The following TRPC3 variants were observed in gnomAD, a reference collection of about 807,000 sequenced individuals.
The protein encoded by TRPC3 is transient receptor potential cation channel subfamily C member 3.
A neutral mutation model predicts 90.9 loss-of-function variants in TRPC3; 54 were observed. The observed-to-expected ratio is 0.59, with a 90% confidence interval of 0.48 to 0.75. The LOEUF is 0.75. Among genes scored for constraint, TRPC3 ranks in the 30% least tolerant of loss-of-function variants. The pLI, the probability that TRPC3 is intolerant of heterozygous loss-of-function variation, is 0.00. For missense variants in TRPC3, 918 were observed against 1,194.5 expected, an observed-to-expected ratio of 0.77 and a Z score of 3.41; for synonymous variants, 424 against 450.9, an observed-to-expected ratio of 0.94 and a Z score of 0.75.
chr4:121,951,700 G>GT lies in TRPC3; in HGVS notation c.-21dup. On this transcript the variant is annotated 5_prime_UTR_variant, in exon 1 of 12. Transcript: ENST00000379645. This position sits in a 1 kb window ranked among gnomAD's most constrained non-coding sequence, Gnocchi z 4.4. ...GGACATCGCGCCGGCTGCGGTCCGA[G>GT]TGTGGGGGTGCCGGCTGCCGGCCTC... 3 of 1,297,336 alleles carry GT rather than the reference G, an allele frequency of 2.3e-6. No individual in the cohort carries two copies. Among genetic ancestry groups the GT allele is most frequent in the Non-Finnish European group, 3.0e-6 (3 of 1,012,812 alleles). 80.4% of individuals were successfully genotyped at this position (1,297,336 alleles called of 1,614,324 possible). A position where few individuals can be genotyped will look rare whatever the true frequency, so the allele number is the denominator to read the frequency against.
At chr4:121,939,213 G>C (rs1016254738) in intron 1 of TRPC3, among the ~76,000 whole-genome samples, 4 of 152,102 alleles carry the variant, frequency 2.6e-5, no homozygotes, top group African/African-American at 9.7e-5. Context: ...AGTTCGAGAA[G>C]ATACATTTTA....
intron 1 of TRPC3, among the ~76,000 whole-genome samples, chr4:121,948,506 T>C (rs894143681): frequency 2.0e-5 from 3 of 152,166 alleles, no homozygotes; most frequent in African/African-American, 7.2e-5. Flanking sequence ...CAATCCAGAG[T>C]GGGTTTGCTC....
intron 1 of TRPC3, among the ~76,000 whole-genome samples, chr4:121,940,687 A>AT (rs1018259331): frequency 6.6e-6 from 1 of 152,112 alleles, no homozygotes; most frequent in Non-Finnish European, 1.5e-5. Flanking sequence ...GGGTCTTTTG[A>AT]TCCTTTCTGA....
intron 10 of TRPC3, among the ~76,000 whole-genome samples, chr4:121,888,439 T>C (rs1009293427): frequency 1.3e-5 from 2 of 152,146 alleles, no homozygotes; most frequent in Admixed American, 1.3e-4. Context: ...ATGGACTAAT[T>C]ATAAAAGTAA....
chr4:121,905,155 C>G (rs1303394419), intron 7 of TRPC3, among the ~76,000 whole-genome samples: 1 of 151,768 alleles, frequency 6.6e-6, no homozygotes, highest in Non-Finnish European at 1.5e-5. Context: ...GTGAAATATT[C>G]TATCATTTAA....
At chr4:121,884,861 A>G (rs975031184) in intron 10 of TRPC3, among the ~76,000 whole-genome samples, 4 of 152,208 alleles carry the variant, frequency 2.6e-5, no homozygotes, top group Admixed American at 2.6e-4. Context: ...AGGTGCTAGG[A>G]ATACAACAGT....
rs1357678015 is a variant in TRPC3 at position 121,877,821 on chromosome 4, G to A, written c.*1915C>T. Among the ~76,000 whole-genome samples the A allele has an allele frequency of 4.7e-5, 7 of 149,814 alleles. No individual in the cohort carries two copies. The highest frequency in any genetic ancestry group is 8.9e-5 in the Non-Finnish European group (6 of 67,654). On this transcript the variant is annotated 3_prime_UTR_variant, in exon 12 of 12. Coordinates refer to ENST00000379645, the MANE Select transcript of TRPC3 (RefSeq NM_001130698.2). Reference sequence around the variant, plus strand: ...AAAGTCAGCTTTTTATCCACATGGTGTGGATACCATGAGGCTTATCTTCAT... The same window carrying A: ...AAAGTCAGCTTTTTATCCACATGGTATGGATACCATGAGGCTTATCTTCAT...
At chr4:121,940,091 G>A (rs1439712450) in intron 1 of TRPC3, among the ~76,000 whole-genome samples, 1 of 152,180 alleles carries the variant, frequency 6.6e-6, no homozygotes, top group Admixed American at 6.5e-5. Flanking sequence ...ACAGGCCACT[G>A]AGACTCTGAG....
intron 1 of TRPC3, among the ~76,000 whole-genome samples, chr4:121,941,920 C>T (rs1027133668): frequency 6.6e-6 from 1 of 152,164 alleles, no homozygotes; most frequent in Non-Finnish European, 1.5e-5. Flanking sequence ...TAGCCCATCA[C>T]TTCAACTGTC....
chr4:121,909,945 A>T (rs1729022619), intron 6 of TRPC3, among the ~76,000 whole-genome samples: 1 of 152,134 alleles, frequency 6.6e-6, no homozygotes, highest in African/African-American at 2.4e-5. Flanking sequence ...CAGTGAAGCA[A>T]ATTGACTTGA....
chr4:121,915,642 C>A (rs1379166100), intron 3 of TRPC3, among the ~76,000 whole-genome samples: 1 of 152,092 alleles, frequency 6.6e-6, no homozygotes. Context: ...TTAATAAATA[C>A]AATTCTAATC....
intron 1 of TRPC3, among the ~76,000 whole-genome samples, chr4:121,935,758 CTT>C (rs1359293845): frequency 1.3e-5 from 2 of 151,816 alleles, no homozygotes; most frequent in Admixed American, 6.6e-5. Context: ...AAAATAAACT[CTT>C]ATTAAAGTGT....
intron 2 of TRPC3, among the ~76,000 whole-genome samples, chr4:121,930,278 C>T (rs1412327157): frequency 1.3e-5 from 2 of 152,110 alleles, no homozygotes; most frequent in African/African-American, 4.8e-5. Flanking sequence ...TCCATATAAT[C>T]TAGAAAAAAG....
intron 9 of TRPC3, among the ~76,000 whole-genome samples, chr4:121,899,919 T>C (rs1216931963): frequency 1.3e-5 from 2 of 152,276 alleles, no homozygotes; most frequent in East Asian, 3.9e-4. Context: ...ACTACTGTAA[T>C]AGAACTATTT....
At chr4:121,886,535 A>G (rs1728124881) in intron 10 of TRPC3, among the ~76,000 whole-genome samples, 1 of 152,150 alleles carries the variant, frequency 6.6e-6, no homozygotes, top group Non-Finnish European at 1.5e-5. Flanking sequence ...ATTTTTCCAG[A>G]CAGCTGGTTT....
intron 3 of TRPC3, among the ~76,000 whole-genome samples, chr4:121,917,940 T>C (rs1352132911): frequency 1.3e-5 from 2 of 152,226 alleles, no homozygotes; most frequent in Non-Finnish European, 2.9e-5. Context: ...CATGTGTCTA[T>C]ATGGAATTGA....
chr4:121,942,772 A>G (rs570745186), intron 1 of TRPC3, among the ~76,000 whole-genome samples: 1 of 152,348 alleles, frequency 6.6e-6, no homozygotes, highest in East Asian at 1.9e-4. Context: ...AGCTAAAACC[A>G]GAAAAGCAAA....
At chr4:121,936,790 G>T (rs1337590703) in intron 1 of TRPC3, among the ~76,000 whole-genome samples, 1 of 152,046 alleles carries the variant, frequency 6.6e-6, no homozygotes, top group Non-Finnish European at 1.5e-5. Context: ...GAACATGCTG[G>T]CACCGATTTC....
At chr4:121,887,239 T>G (rs1728155088) in intron 10 of TRPC3, among the ~76,000 whole-genome samples, 1 of 152,250 alleles carries the variant, frequency 6.6e-6, no homozygotes, top group African/African-American at 2.4e-5. Flanking sequence ...TATATTTCAT[T>G]GCATTTATAT....
Sources: allele counts gnomAD v4.1 joint callset (sites outside exome capture counted in the v4.1 genomes callset), GRCh38; gene constraint gnomAD v4.1.1; non-coding constraint Gnocchi (gnomAD v3.1); transcripts MANE v1.5; gene names NCBI Gene and HGNC (gene_info 2026-07-23, HGNC 2026-07-21).